Variants in CAMTA1 observed in about 807,000 individuals in gnomAD.
The protein encoded by CAMTA1 is calmodulin binding transcription activator 1, also known as calmodulin-binding transcription activator 1.
A neutral mutation model predicts 170.9 loss-of-function variants in CAMTA1; 27 were observed. The ratio of observed to expected loss-of-function variants is 0.16; its 90% CI spans 0.12 to 0.22. The LOEUF (loss-of-function observed/expected upper bound fraction) is 0.22, where lower values mean the gene tolerates loss of function less well. Among genes scored for constraint, CAMTA1 ranks in the 10% least tolerant of loss-of-function variants. The pLI, the probability that CAMTA1 is intolerant of heterozygous loss-of-function variation, is 1.00. For missense variants in CAMTA1, 1,619 were observed against 2,217.2 expected (o/e 0.73, Z 5.42); for synonymous variants, 833 against 891.5 (o/e 0.93, Z 1.17).
chr1:7,198,128 G>A (rs1304197467), intron 4 of CAMTA1, among the ~76,000 whole-genome samples: 3 of 152,076 alleles, frequency 2.0e-5, no homozygotes, highest in African/African-American at 7.2e-5. Context: ...CTAGGATATT[G>A]GGGTGACCCA....
chr1:7,511,768 C>G (rs2094204665), intron 6 of CAMTA1, among the ~76,000 whole-genome samples: 2 of 152,176 alleles, frequency 1.3e-5, no homozygotes, highest in African/African-American at 4.8e-5. Flanking sequence ...TTTCCCGTGG[C>G]TGGGGCTCCT....
intron 3 of CAMTA1, among the ~76,000 whole-genome samples, chr1:6,880,605 G>T (rs1035402644): frequency 1.1e-4 from 16 of 152,038 alleles, no homozygotes; most frequent in Non-Finnish European, 2.2e-4. Flanking sequence ...GTCCAGGCTG[G>T]TCTCAAACTC....
At chr1:7,676,761 C>T (rs181839465) in intron 10 of CAMTA1, among the ~76,000 whole-genome samples, 4 of 152,224 alleles carry the variant, frequency 2.6e-5, no homozygotes, top group African/African-American at 7.2e-5. Flanking sequence ...CCATTGCCCA[C>T]GGGCCACCTC....
At chr1:7,755,395 G>A (rs2096925038) in intron 21 of CAMTA1, among the ~76,000 whole-genome samples, 1 of 148,594 alleles carries the variant, frequency 6.7e-6, no homozygotes, top group Non-Finnish European at 1.5e-5. Flanking sequence ...TAGGTAGATA[G>A]TAGCTTCAGG....
At chr1:7,672,373 G>A (rs1423570766) in intron 10 of CAMTA1, among the ~76,000 whole-genome samples, 2 of 152,038 alleles carry the variant, frequency 1.3e-5, no homozygotes, top group African/African-American at 4.8e-5. Context: ...GGCCAGCTGA[G>A]TCCCACCACC....
chr1:6,861,606 A>G (rs1664726627), intron 3 of CAMTA1, among the ~76,000 whole-genome samples: 1 of 152,172 alleles, frequency 6.6e-6, no homozygotes, highest in South Asian at 2.1e-4. Context: ...TCAGTAGGGA[A>G]GTGTTTAGGA....
intron 3 of CAMTA1, among the ~76,000 whole-genome samples, chr1:6,835,212 T>C (rs1047690908): frequency 2.6e-5 from 4 of 152,202 alleles, no homozygotes; most frequent in African/African-American, 9.7e-5. Flanking sequence ...TTAAGAAATG[T>C]TAAGGTGCAA....
rs2096190374 is a variant in CAMTA1, at chr1:7,680,853, CGCGCGCG to C, written c.2914+3121_2914+3127del. ...GGGGCGCAGAGAACACGCGCGCGCG[CGCGCGCG>C]CCAGCAGCAGCAGCAGCAGCAGCTG... On this transcript the variant is annotated intron_variant, in intron 11 of 22. Coordinates refer to ENST00000303635, the MANE Select transcript of CAMTA1 (RefSeq NM_015215.4). This position sits in a 1 kb window ranked among gnomAD's most constrained non-coding sequence, Gnocchi z 4.4. 8.7e-6 allele frequency among the ~76,000 whole-genome samples: 1 copy of C among 115,452 alleles called. No homozygotes were observed. The highest frequency in any genetic ancestry group is 1.8e-5 in the Non-Finnish European group (1 of 54,716). The allele number at this position is 115,452 out of a possible 152,430, so 75.7% of individuals were successfully genotyped here.
chr1:7,371,659 G>A (rs1036629690), intron 5 of CAMTA1, among the ~76,000 whole-genome samples: 3 of 152,234 alleles, frequency 2.0e-5, no homozygotes, highest in African/African-American at 7.2e-5. Flanking sequence ...CAGTGTGAGA[G>A]TTCTCAGGAA....
intron 5 of CAMTA1, among the ~76,000 whole-genome samples, chr1:7,427,903 G>A (rs1024285306): frequency 2.0e-5 from 3 of 152,124 alleles, no homozygotes; most frequent in South Asian, 2.1e-4. Context: ...GGCCCCTTGC[G>A]ACTCATCCTT....
intron 6 of CAMTA1, among the ~76,000 whole-genome samples, chr1:7,589,943 T>C (rs1576269753): frequency 6.6e-6 from 1 of 152,312 alleles, no homozygotes; most frequent in African/African-American, 2.4e-5. Context: ...AGCCTCCCTC[T>C]TGCTGGCTGC....
Position 7,333,637 on chromosome 1 carries a change from C to T in CAMTA1, c.438+84011C>T, listed in dbSNP as rs1445722243. Among the ~76,000 whole-genome samples the T allele has an allele frequency of 6.6e-6, 1 of 152,182 alleles. No homozygotes were observed. The highest frequency in any genetic ancestry group is 6.5e-5 in the Admixed American group (1 of 15,282). On this transcript the variant is annotated intron_variant, in intron 5 of 22. Transcript: ENST00000303635. The surrounding 1 kb of genome is among the most constrained non-coding windows in gnomAD (Gnocchi z 4.4). ...TTAAATGCTGCTGTCGTCCCAGCTT[C>T]TAGGGAGGCTGGGGTTACAGCCTCC... is the stretch of plus-strand genomic sequence containing the variant.
chr1:7,191,310 C>T (rs1654479079), intron 4 of CAMTA1, among the ~76,000 whole-genome samples: 1 of 152,216 alleles, frequency 6.6e-6, no homozygotes, highest in South Asian at 2.1e-4. Context: ...GTTGAATTCT[C>T]TAATTCTGGA....
At position 7,248,158 on chromosome 1, in the gene CAMTA1, C is replaced by T. The variant is rs1034048253; in HGVS notation, c.303-1333C>T. Among the ~76,000 whole-genome samples the T allele has an allele frequency of 6.6e-6, 1 of 152,050 alleles. No individual in the cohort carries two copies. The highest frequency in any genetic ancestry group is 1.5e-5 in the Non-Finnish European group (1 of 68,000). On this transcript the variant is annotated intron_variant, in intron 4 of 22. Transcript: ENST00000303635. This position sits in a 1 kb window ranked among gnomAD's most constrained non-coding sequence, Gnocchi z 4.0. ...CACCCTGGTGGGACTGTTTTTTTCC[C>T]CCCAGACAATAGAATATGAAGCCAT... is the stretch of plus-strand genomic sequence containing the variant.
Position 6,969,367 on chromosome 1 carries a change from C to T in CAMTA1, c.235-121937C>T, listed in dbSNP as rs150496756. 3.0e-3 allele frequency among the ~76,000 whole-genome samples: 464 copies of T among 152,228 alleles called. 2 individuals are homozygous for T. The highest frequency in any genetic ancestry group is 0.01 in the African/African-American group (431 of 41,534). On this transcript the variant is annotated intron_variant, in intron 3 of 22. Coordinates refer to ENST00000303635, the MANE Select transcript of CAMTA1 (RefSeq NM_015215.4). ...GCAAGGAACGCTGCAGAAGTAAAGG[C>T]GGCCAGGTTGGGGGAGTGAGCGGCT...
chr1:7,361,245 T>C (rs750306561), intron 5 of CAMTA1, among the ~76,000 whole-genome samples: 11 of 152,182 alleles, frequency 7.2e-5, no homozygotes, highest in Non-Finnish European at 1.2e-4. Context: ...TGAACATTCA[T>C]TGAGTCGTTT....
intron 4 of CAMTA1, among the ~76,000 whole-genome samples, chr1:7,246,859 G>T (rs1439669772): frequency 6.6e-6 from 1 of 151,884 alleles, no homozygotes; most frequent in African/African-American, 2.4e-5. Context: ...GTAGAGGTGG[G>T]GTTTCACCAT....
At chr1:7,319,467 G>T (rs1324279593) in intron 5 of CAMTA1, among the ~76,000 whole-genome samples, 21 of 152,130 alleles carry the variant, frequency 1.4e-4, no homozygotes, top group Admixed American at 1.4e-3. Context: ...TGTGCCTTCT[G>T]CCATGATTGT....
intron 5 of CAMTA1, among the ~76,000 whole-genome samples, chr1:7,320,542 G>A (rs1278547144): frequency 6.6e-6 from 1 of 151,936 alleles, no homozygotes; most frequent in Admixed American, 6.6e-5. Context: ...GTTTCTGCAG[G>A]GTCTACGTTG....
Sources: gnomAD v4.1 joint callset for allele counts (sites outside exome capture counted in the v4.1 genomes callset) on GRCh38, gnomAD v4.1.1 for gene constraint, Gnocchi (gnomAD v3.1) non-coding constraint, MANE v1.5 for transcripts, NCBI Gene and HGNC (gene_info 2026-07-23, HGNC 2026-07-21) for gene names.